Variants in GALNT6 observed in about 807,000 individuals in gnomAD.
GALNT6 encodes GalNAc transferase 6.
A neutral mutation model predicts 65.9 loss-of-function variants in GALNT6; 51 were observed. The ratio of observed to expected loss-of-function variants is 0.77; its 90% CI spans 0.62 to 0.98. The LOEUF is 0.98. GALNT6 is among the 50% of genes least tolerant of loss of function. The probability of loss-of-function intolerance (pLI) is 0.00; values close to 1 mark genes in which losing one functional copy is unlikely to be tolerated. For missense variants in GALNT6, 708 were observed against 803.3 expected, an observed-to-expected ratio of 0.88 and a Z score of 1.43; for synonymous variants, 323 against 315.1, an observed-to-expected ratio of 1.02 and a Z score of -0.26.
chr12:51,358,301 GTTT>G (rs5798170), intron 8 of GALNT6, 40 bp from the exon 9 acceptor site: 624 of 1,445,774 alleles, frequency 4.3e-4, no homozygotes, highest in East Asian at 2.3e-3. Context: ...AGTTCCACCA[GTTT>G]TTTTTTTTTT....
intron 4 of GALNT6, among the ~76,000 whole-genome samples, chr12:51,369,851 G>A (rs1201528017): frequency 6.6e-6 from 1 of 152,032 alleles, no homozygotes; most frequent in African/African-American, 2.4e-5. Context: ...CATCCCCACA[G>A]TCACTGCTTT....
intron 2 of GALNT6, among the ~76,000 whole-genome samples, chr12:51,383,851 C>T (rs10747611): frequency 0.67 from 101,177 of 151,916 alleles, 35,177 homozygotes; most frequent in Admixed American, 0.81. Flanking sequence ...TTAAGGATTT[C>T]TGCTCCCTGT....
At chr12:51,384,831 GT>G (rs1183734461) in intron 2 of GALNT6, among the ~76,000 whole-genome samples, 4 of 152,070 alleles carry the variant, frequency 2.6e-5, no homozygotes, top group African/African-American at 9.7e-5. Flanking sequence ...GCTGTAGTTA[GT>G]TATGATCATG....
chr12:51,359,125 C>G lies in GALNT6; in HGVS notation c.1368+7G>C. 2 of 1,608,246 alleles carry G rather than the reference C, an allele frequency of 1.2e-6. No homozygotes were observed. The highest frequency in any genetic ancestry group is 1.7e-6 in the Non-Finnish European group (2 of 1,174,634). On this transcript the variant is annotated splice_region_variant and intron_variant, in intron 8 of 11. Coordinates refer to ENST00000356317, the MANE Select transcript of GALNT6 (RefSeq NM_007210.4). ...TCTAAACCTCTCCGAGAACCATTTC[C>G]TCTCACCTCTTGGGCCATCTTTGCT...
chr12:51,378,890 C>CCCG (rs1555180344), intron 3 of GALNT6, among the ~76,000 whole-genome samples: 1 of 144,918 alleles, frequency 6.9e-6, no homozygotes, highest in East Asian at 2.3e-4. Flanking sequence ...CCACCCCCCC[C>CCCG]CCAAACAGCT....
Position 51,377,472 on chromosome 12 carries a change from A to G in GALNT6, c.492-105T>C, listed in dbSNP as rs982079403. 3 of 872,720 alleles carry G rather than the reference A, an allele frequency of 3.4e-6. No homozygotes were observed. The African/African-American group carries it at 5.0e-5, about 14-fold the overall frequency. The allele number at this position is 872,720 out of a possible 1,614,324, so 54.1% of individuals were successfully genotyped here. The stretch of plus-strand genomic sequence containing the variant: ...CCCCAGACCATCCTCCACTCCTCTG[A>G]ACCACAGCCTACATTCTCTATAGCA... On this transcript the variant is annotated intron_variant, in intron 3 of 11. Coordinates refer to ENST00000356317, the MANE Select transcript of GALNT6 (RefSeq NM_007210.4).
chr12:51,376,524 T>C (rs570887684), intron 4 of GALNT6, among the ~76,000 whole-genome samples: 3 of 150,636 alleles, frequency 2.0e-5, no homozygotes, highest in Non-Finnish European at 4.4e-5. Context: ...TCCCAGCTAC[T>C]AGGGAGGCTG....
At chr12:51,389,430 T>C (rs1056621885) in intron 2 of GALNT6, among the ~76,000 whole-genome samples, 4 of 152,228 alleles carry the variant, frequency 2.6e-5, no homozygotes, top group Admixed American at 2.6e-4. Context: ...GCTAGAAATG[T>C]GGCAGAGGCA....
chr12:51,358,688 C>T (rs1946826635), intron 8 of GALNT6, among the ~76,000 whole-genome samples: 1 of 152,148 alleles, frequency 6.6e-6, no homozygotes, highest in Non-Finnish European at 1.5e-5. Flanking sequence ...CATGTTCATT[C>T]CCACTCAGGA....
At chr12:51,366,892 C>T (rs1947124675) in intron 4 of GALNT6, among the ~76,000 whole-genome samples, 1 of 152,214 alleles carries the variant, frequency 6.6e-6, no homozygotes, top group South Asian at 2.1e-4. Context: ...CTTTGGGAGG[C>T]CAAGGCAGAT....
intron 2 of GALNT6, among the ~76,000 whole-genome samples, chr12:51,386,754 A>G (rs1271290344): frequency 6.6e-6 from 1 of 151,940 alleles, no homozygotes; most frequent in Non-Finnish European, 1.5e-5. Flanking sequence ...CTGTTGGGGG[A>G]AATGGGGCTG....
chr12:51,375,221 C>T (rs1228858824), intron 4 of GALNT6, among the ~76,000 whole-genome samples: 1 of 152,132 alleles, frequency 6.6e-6, no homozygotes, highest in African/African-American at 2.4e-5. Context: ...ACCTAAGCTT[C>T]AGCCACACCA....
intron 2 of GALNT6, among the ~76,000 whole-genome samples, chr12:51,390,152 CTTTCTTTT>C (rs1947992042): frequency 1.4e-5 from 1 of 68,980 alleles, no homozygotes; most frequent in South Asian, 4.7e-4. Flanking sequence ...TTCTTTCTTT[CTTTCTTTT>C]TTTTTTTTTT....
chr12:51,362,517 A>T (rs1336274397), intron 6 of GALNT6, among the ~76,000 whole-genome samples: 3 of 151,466 alleles, frequency 2.0e-5, no homozygotes, highest in Non-Finnish European at 4.4e-5. Flanking sequence ...TTCCTCAAAC[A>T]CTGGAGCTTT....
rs1946629617 is a variant in GALNT6, at chr12:51,352,223, A to G, written c.*2156T>C. On this transcript the variant is annotated 3_prime_UTR_variant, in exon 12 of 12. Coordinates refer to ENST00000356317, the MANE Select transcript of GALNT6 (RefSeq NM_007210.4). ...CCATGTGCAGTCGGGTCTGCTCCCCATGGGGGCTTTGATGTGGGCCCAGCA... is the reference window on the plus strand; with the variant it reads ...CCATGTGCAGTCGGGTCTGCTCCCCGTGGGGGCTTTGATGTGGGCCCAGCA... The G allele has an allele frequency of 6.6e-6, 1 of 152,166 alleles. No individual in the cohort carries two copies. The highest frequency in any genetic ancestry group is 2.4e-5 in the African/African-American group (1 of 41,430). 9.4% of individuals were successfully genotyped at this position (152,166 alleles called of 1,614,324 possible).
intron 4 of GALNT6, among the ~76,000 whole-genome samples, chr12:51,366,370 C>T (rs1479172507): frequency 2.6e-5 from 4 of 152,182 alleles, no homozygotes; most frequent in African/African-American, 4.8e-5. Flanking sequence ...TTCACGGTAA[C>T]GTCGATGGGT....
chr12:51,359,417 C>T, intron 7 of GALNT6, 85 bp from the exon 8 acceptor site: 1 of 903,638 alleles, frequency 1.1e-6, no homozygotes, highest in Non-Finnish European at 1.7e-6. Context: ...ATTCCCAGAG[C>T]ACCAGACCCC....
At chr12:51,378,502 C>G (rs891396896) in intron 3 of GALNT6, among the ~76,000 whole-genome samples, 2 of 152,110 alleles carry the variant, frequency 1.3e-5, no homozygotes, top group African/African-American at 2.4e-5. Context: ...TTCAAGTGGC[C>G]CCTTGTTCTA....
intron 2 of GALNT6, among the ~76,000 whole-genome samples, 186 bp from the exon 3 acceptor site, chr12:51,380,070 C>T (rs1332169771): frequency 1.3e-5 from 2 of 152,292 alleles, no homozygotes; most frequent in South Asian, 4.1e-4. Context: ...TTCTTTCCTG[C>T]CCTAAGATCC....
Sources: allele counts gnomAD v4.1 joint callset (sites outside exome capture counted in the v4.1 genomes callset), GRCh38; gene constraint gnomAD v4.1.1; transcripts MANE v1.5; gene names NCBI Gene and HGNC (gene_info 2026-07-23, HGNC 2026-07-21).